Variants in SRGAP2C observed in about 807,000 individuals in gnomAD.
SRGAP2C encodes SLIT-ROBO Rho GTPase-activating protein 2C.
A neutral mutation model predicts 25.1 loss-of-function variants in SRGAP2C; 15 were observed. The ratio of observed to expected loss-of-function variants is 0.60; its 90% CI spans 0.40 to 0.92. SRGAP2C has a LOEUF of 0.92. Among genes scored for constraint, SRGAP2C ranks in the 40% least tolerant of loss-of-function variants. SRGAP2C has a pLI of 0.00. For missense variants in SRGAP2C, 144 were observed against 264.4 expected (o/e 0.54, Z 3.16); for synonymous variants, 44 against 96.6 (o/e 0.46, Z 3.19).
chr1:121,339,286 CT>C (rs1658593784), intron 4 of SRGAP2C, among the ~76,000 whole-genome samples: 1 of 67,428 alleles, frequency 1.5e-5, no homozygotes, highest in Non-Finnish European at 3.0e-5. Context: ...GATGGAGTTT[CT>C]TTTTTTCAGG....
chr1:121,278,943 TTA>T (rs1431159528), intron 2 of SRGAP2C, among the ~76,000 whole-genome samples: 1 of 151,916 alleles, frequency 6.6e-6, no homozygotes, highest in Non-Finnish European at 1.5e-5. Flanking sequence ...AATTGTATTC[TTA>T]TGTAACATTC....
intron 2 of SRGAP2C, among the ~76,000 whole-genome samples, chr1:121,196,219 G>A (rs1231183674): frequency 1.9e-5 from 1 of 51,786 alleles, no homozygotes; most frequent in Non-Finnish European, 3.5e-5. Flanking sequence ...GGAGTTGGAG[G>A]TTGCTGTGAG....
At chr1:121,374,541 G>A (rs1211063432) in intron 6 of SRGAP2C, among the ~76,000 whole-genome samples, 1 of 152,172 alleles carries the variant, frequency 6.6e-6, no homozygotes, top group South Asian at 2.1e-4. Context: ...GGCAAGAGTA[G>A]TGGTACCTCC....
intron 2 of SRGAP2C, among the ~76,000 whole-genome samples, chr1:121,216,333 T>C (rs1407990977): frequency 6.6e-6 from 1 of 152,064 alleles, no homozygotes; most frequent in Non-Finnish European, 1.5e-5. Context: ...TGGGGTTAGG[T>C]TTCCAAAGGT....
At chr1:121,295,287 T>A (rs1657571407) in intron 3 of SRGAP2C, among the ~76,000 whole-genome samples, 2 of 150,988 alleles carry the variant, frequency 1.3e-5, no homozygotes, top group African/African-American at 4.9e-5. Context: ...CTCTATACAA[T>A]AGACACTGGA....
chr1:121,238,474 T>G (rs1656011101), intron 2 of SRGAP2C, among the ~76,000 whole-genome samples: 1 of 152,046 alleles, frequency 6.6e-6, no homozygotes, highest in Admixed American at 6.6e-5. Context: ...GAGCTCACAG[T>G]CTACTACTGC....
intron 2 of SRGAP2C, among the ~76,000 whole-genome samples, chr1:121,266,383 G>C (rs1656781070): frequency 6.6e-6 from 1 of 151,286 alleles, no homozygotes; most frequent in African/African-American, 2.4e-5. Flanking sequence ...CTTGGCCTAA[G>C]TGGTGGTTGC....
chr1:121,337,670 G>A (rs1658547615), intron 4 of SRGAP2C, among the ~76,000 whole-genome samples: 3 of 137,604 alleles, frequency 2.2e-5, no homozygotes. Flanking sequence ...AAATAAAAAT[G>A]CCTCTCTGAG....
chr1:121,374,714 A>C, intron 6 of SRGAP2C, 112 bp from the exon 7 acceptor site: 1 of 633,788 alleles, frequency 1.6e-6, no homozygotes, highest in South Asian at 1.9e-5. Flanking sequence ...GCAGATGCGC[A>C]TAGGGAGTAG....
intron 2 of SRGAP2C, among the ~76,000 whole-genome samples, chr1:121,264,810 C>A (rs1366124032): frequency 3.4e-5 from 4 of 118,728 alleles, no homozygotes; most frequent in African/African-American, 1.3e-4. Context: ...GACTAGATTC[C>A]TTTGGAAGGC....
At chr1:121,202,330 C>T (rs1184295890) in intron 2 of SRGAP2C, among the ~76,000 whole-genome samples, 1 of 152,156 alleles carries the variant, frequency 6.6e-6, no homozygotes, top group Non-Finnish European at 1.5e-5. Flanking sequence ...GTCCCCTCCC[C>T]TCCTCACTTC....
At chr1:121,259,977 C>T (rs868972706) in intron 2 of SRGAP2C, among the ~76,000 whole-genome samples, 34 of 142,452 alleles carry the variant, frequency 2.4e-4, no homozygotes, top group African/African-American at 8.6e-4. Flanking sequence ...GCCTCAGCCT[C>T]CTGAAGTACT....
intron 2 of SRGAP2C, among the ~76,000 whole-genome samples, chr1:121,269,837 CA>C (rs1553334966): frequency 6.9e-6 from 1 of 144,740 alleles, no homozygotes; most frequent in African/African-American, 2.5e-5. Context: ...TTTTTAAAGA[CA>C]TTTTTAGTTA....
chr1:121,222,367 A>G lies in SRGAP2C; in HGVS notation c.67+34854A>G, dbSNP rs1320037691. ...GGTTTGGGTTGGCGCTGTGGCTCACACCTGTAATCCCACCACTTTGGGAGG... is the reference window on the plus strand; with the variant it reads ...GGTTTGGGTTGGCGCTGTGGCTCACGCCTGTAATCCCACCACTTTGGGAGG... On this transcript the variant is annotated intron_variant, in intron 2 of 9. Transcript: ENST00000367123. 1.1e-4 allele frequency among the ~76,000 whole-genome samples: 17 copies of G among 152,114 alleles called. No individual in the cohort carries two copies. The East Asian group carries it at 2.3e-3, about 21-fold the overall frequency.
Position 121,272,232 on chromosome 1 carries a change from T to C in SRGAP2C, c.68-12571T>C, listed in dbSNP as rs1286633869. 5.5e-3 allele frequency among the ~76,000 whole-genome samples: 773 copies of C among 140,632 alleles called. 11 individuals carry two copies. The highest frequency in any genetic ancestry group is 8.4e-3 in the Non-Finnish European group (545 of 65,028). 92.3% of individuals were successfully genotyped at this position (140,632 alleles called of 152,430 possible). Reference sequence around the variant, plus strand: ...TATAATGTACCAGGAATTATTCTAATAACTTTACAAATATTAACTCATAAA... The same window carrying C: ...TATAATGTACCAGGAATTATTCTAACAACTTTACAAATATTAACTCATAAA... On this transcript the variant is annotated intron_variant, in intron 2 of 9. Transcript: ENST00000367123.
intron 2 of SRGAP2C, among the ~76,000 whole-genome samples, chr1:121,273,834 A>G (rs1394359781): frequency 1.3e-5 from 2 of 151,862 alleles, no homozygotes; most frequent in African/African-American, 2.4e-5. Flanking sequence ...TCCAAGTCTC[A>G]TGCTTCAGTA....
intron 2 of SRGAP2C, among the ~76,000 whole-genome samples, chr1:121,255,428 C>A (rs1157911070): frequency 2.6e-5 from 4 of 151,604 alleles, no homozygotes; most frequent in African/African-American, 9.7e-5. Flanking sequence ...TTCCCAATTT[C>A]TTGGATTTTT....
intron 4 of SRGAP2C, among the ~76,000 whole-genome samples, chr1:121,327,018 T>TC (rs1658327686): frequency 6.7e-6 from 1 of 150,268 alleles, no homozygotes; most frequent in African/African-American, 2.5e-5. Context: ...CCCAGGGTTG[T>TC]TGAATGGCCA....
At chr1:121,370,849 C>A (rs1219338257) in intron 5 of SRGAP2C, among the ~76,000 whole-genome samples, 1 of 149,794 alleles carries the variant, frequency 6.7e-6, no homozygotes, top group African/African-American at 2.5e-5. Flanking sequence ...TGCTTCCTGG[C>A]TCACTCTAGT....
Sources: gnomAD v4.1 joint callset for allele counts (sites outside exome capture counted in the v4.1 genomes callset) on GRCh38, gnomAD v4.1.1 for gene constraint, MANE v1.5 for transcripts, NCBI Gene and HGNC (gene_info 2026-07-23, HGNC 2026-07-21) for gene names.